Variants in NDC80 observed in about 807,000 individuals in gnomAD.
NDC80 encodes the protein kinetochore protein NDC80 homolog.
Under a neutral mutation model 89.3 loss-of-function variants are expected in NDC80, and 69 were observed. The ratio of observed to expected loss-of-function variants is 0.77; its 90% CI spans 0.64 to 0.94. The LOEUF is 0.94. NDC80 is among the 40% of genes least tolerant of loss of function. NDC80 has a pLI of 0.00. For synonymous variants in NDC80, 243 were observed against 255.6 expected, an observed-to-expected ratio of 0.95 and a Z score of 0.47; for missense variants, 593 against 739.6, an observed-to-expected ratio of 0.80 and a Z score of 2.30.
At chr18:2,606,340 A>G in intron 13 of NDC80, 75 bp from the exon 14 acceptor site, 3 of 957,650 alleles carry the variant, frequency 3.1e-6, no homozygotes, top group Non-Finnish European at 3.1e-6. Context: ...GATTGATAAT[A>G]TAAAAACTCT....
intron 12 of NDC80, among the ~76,000 whole-genome samples, chr18:2,599,642 G>A (rs951222549): frequency 1.3e-5 from 2 of 152,106 alleles, no homozygotes; most frequent in African/African-American, 4.8e-5. Flanking sequence ...AGAGTACTAA[G>A]AATACTGGTA....
At chr18:2,579,833 A>G (rs1046594061) in intron 6 of NDC80, among the ~76,000 whole-genome samples, 2 of 152,236 alleles carry the variant, frequency 1.3e-5, no homozygotes, top group South Asian at 4.1e-4. Context: ...AACTTGTACC[A>G]ATTAAAAGCT....
At chr18:2,583,528 C>G (rs911206663) in intron 6 of NDC80, among the ~76,000 whole-genome samples, 3 of 151,960 alleles carry the variant, frequency 2.0e-5, no homozygotes, top group Non-Finnish European at 4.4e-5. Context: ...TAGTGAAACC[C>G]CGTCTCTACT....
chr18:2,596,024 C>T (rs931665972), intron 11 of NDC80, among the ~76,000 whole-genome samples: 1 of 152,150 alleles, frequency 6.6e-6, no homozygotes, highest in Non-Finnish European at 1.5e-5. Context: ...GCTTTCCCCT[C>T]AAAAACTTCC....
At chr18:2,596,126 A>T (rs865933961) in intron 11 of NDC80, among the ~76,000 whole-genome samples, 13 of 152,286 alleles carry the variant, frequency 8.5e-5, no homozygotes, top group South Asian at 8.3e-4. Context: ...ACCTAGCCCA[A>T]ATTTAGTGTA....
At chr18:2,599,824 T>A (rs894476746) in intron 12 of NDC80, among the ~76,000 whole-genome samples, 3 of 152,226 alleles carry the variant, frequency 2.0e-5, no homozygotes, top group African/African-American at 7.2e-5. Flanking sequence ...AATAGGAGAA[T>A]GTTTATTAAA....
chr18:2,580,054 TA>T (rs2072568436), intron 6 of NDC80, among the ~76,000 whole-genome samples: 1 of 95,522 alleles, frequency 1.0e-5, no homozygotes, highest in Non-Finnish European at 2.7e-5. Flanking sequence ...AGGCAAGTTT[TA>T]TTTCACCTTT....
In NDC80 at chr18:2,578,281, G is replaced by C; in HGVS notation, c.476+140G>C. The C allele has an allele frequency of 5.1e-6, 4 of 788,790 alleles. No individual in the cohort carries two copies. The Admixed American group carries it at 1.2e-4, about 24-fold the overall frequency. The allele number at this position is 788,790 out of a possible 1,614,324, so 48.9% of individuals were successfully genotyped here. ...GTGGGCAATATATGTAGGATAAATT[G>C]AAGAGAAAAAAAGCAACTGCTTACA... is the stretch of plus-strand genomic sequence containing the variant. On this transcript the variant is annotated intron_variant, in intron 5 of 16. Coordinates refer to ENST00000261597, the MANE Select transcript of NDC80 (RefSeq NM_006101.3).
At chr18:2,606,582 C>T (rs2072713002) in intron 14 of NDC80, 75 bp downstream of exon 14, 1 of 894,982 alleles carries the variant, frequency 1.1e-6, no homozygotes, top group African/African-American at 1.8e-5. Context: ...CATATTCTGA[C>T]ATCAAAATCA....
intron 2 of NDC80, among the ~76,000 whole-genome samples, 153 bp downstream of exon 2, chr18:2,573,239 A>G (rs1340069798): frequency 6.6e-6 from 1 of 152,218 alleles, no homozygotes; most frequent in Non-Finnish European, 1.5e-5. Context: ...AATGAAATCT[A>G]AAAGTGGGCA....
chr18:2,577,861 C>T lies in NDC80; in HGVS notation c.295C>T (p.Leu99Phe). 6.2e-7 allele frequency: 1 copy of T among 1,613,816 alleles called. No individual in the cohort carries two copies. Among genetic ancestry groups the T allele is most frequent in the Middle Eastern group, 1.7e-4 (1 of 6,060 alleles). The change falls in exon 4 of 17, where the codon CTC becomes TTC. Residue 99 changes from leucine (L) to phenylalanine (F), a missense_variant. Leu to Phe is a conservative substitution (Grantham distance 22). Transcript: ENST00000261597. Reference protein sequence around the residue: ...KAFIQQCIRQLCEFLTENGYA... With the variant: ...KAFIQQCIRQFCEFLTENGYA... ...ATTCATTCAGCAGTGTATTCGACAA[C>T]TCTGTGAGGTACTTTAGGATTTTAA...
Position 2,589,183 on chromosome 18 carries a change from G to C in NDC80, c.764-21G>C, listed in dbSNP as rs542499488. 13 of 1,533,104 alleles carry C rather than the reference G, an allele frequency of 8.5e-6. No individual in the cohort carries two copies. In the African/African-American group the frequency reaches 1.1e-4, roughly 13 times the overall value. The allele number at this position is 1,533,104 out of a possible 1,614,324, so 95.0% of individuals were successfully genotyped here. ...CTAGGCGGATTTGAGGTCTTAAAAA[G>C]CTTTTGGATTTTGTCTCCAGAGGAT... On this transcript the variant is annotated intron_variant, in intron 8 of 16. Transcript: ENST00000261597.
intron 3 of NDC80, among the ~76,000 whole-genome samples, chr18:2,577,046 G>A (rs927317171): frequency 1.3e-5 from 2 of 152,052 alleles, no homozygotes; most frequent in African/African-American, 4.8e-5. Context: ...AGGTATTTTT[G>A]TAATGTAATT....
chr18:2,596,503 A>G (rs2072657385), intron 11 of NDC80, among the ~76,000 whole-genome samples: 1 of 150,396 alleles, frequency 6.6e-6, no homozygotes, highest in African/African-American at 2.5e-5. Flanking sequence ...TTAGAATGAC[A>G]GTCATTAAAA....
At chr18:2,595,926 T>C (rs1257327218) in intron 11 of NDC80, among the ~76,000 whole-genome samples, 1 of 152,228 alleles carries the variant, frequency 6.6e-6, no homozygotes, top group Non-Finnish European at 1.5e-5. Flanking sequence ...GAGTCCTTCA[T>C]TCACCTATTC....
At chr18:2,592,806 A>G (rs2072633869) in intron 10 of NDC80, among the ~76,000 whole-genome samples, 1 of 152,038 alleles carries the variant, frequency 6.6e-6, no homozygotes, top group Non-Finnish European at 1.5e-5. Flanking sequence ...CAAAATACCA[A>G]TCCTCTCCAC....
At chr18:2,607,798 T>C (rs2072720050) in intron 14 of NDC80, among the ~76,000 whole-genome samples, 1 of 150,514 alleles carries the variant, frequency 6.6e-6, no homozygotes, top group Non-Finnish European at 1.5e-5. Context: ...GGTTAAAGTT[T>C]AGGGAGTGTC....
intron 13 of NDC80, among the ~76,000 whole-genome samples, chr18:2,603,191 TTG>T (rs1318826503): frequency 6.6e-6 from 1 of 151,888 alleles, no homozygotes; most frequent in Non-Finnish European, 1.5e-5. Flanking sequence ...TATGTAATAG[TTG>T]AAGCCATATA....
At chr18:2,616,382 A>G (rs939950344) in intron 16 of NDC80, 55 bp from the exon 17 acceptor site, 1 of 1,236,904 alleles carries the variant, frequency 8.1e-7, no homozygotes, top group African/African-American at 1.6e-5. Context: ...ACAATTAAAC[A>G]TTTTAAAAGA....
Sources: allele counts gnomAD v4.1 joint callset (sites outside exome capture counted in the v4.1 genomes callset), GRCh38; gene constraint gnomAD v4.1.1; transcripts MANE v1.5; gene names NCBI Gene and HGNC (gene_info 2026-07-23, HGNC 2026-07-21).